Variants in SMC2 observed in about 807,000 individuals in gnomAD.
The protein encoded by SMC2 is structural maintenance of chromosomes 2.
A neutral mutation model predicts 142.6 loss-of-function variants in SMC2; 41 were observed. The ratio of observed to expected loss-of-function variants is 0.29; its 90% confidence interval spans 0.22 to 0.37. The LOEUF (loss-of-function observed/expected upper bound fraction) is 0.37. SMC2 is among the 10% of genes least tolerant of loss of function. The pLI, the probability that SMC2 is intolerant of heterozygous loss-of-function variation, is 1.00. For missense variants in SMC2, 1,265 were observed against 1,373.7 expected (o/e 0.92, Z 1.25); for synonymous variants, 463 against 457.5 (o/e 1.01, Z -0.15).
chr9:104,123,064 C>A, intron 16 of SMC2, 44 bp from the exon 17 acceptor site: 1 of 1,571,950 alleles, frequency 6.4e-7, no homozygotes, highest in Non-Finnish European at 8.6e-7. Context: ...TCTCAAATAC[C>A]AGAAAAATGA....
intron 20 of SMC2, 120 bp from the exon 21 acceptor site, chr9:104,129,525 A>AG: frequency 1.2e-6 from 1 of 806,218 alleles, no homozygotes; most frequent in African/African-American, 1.8e-5. Flanking sequence ...AAAATTAGTC[A>AG]TTGAAGGTTT....
At chr9:104,127,809 T>C (rs943555667) in intron 20 of SMC2, among the ~76,000 whole-genome samples, 1 of 152,208 alleles carries the variant, frequency 6.6e-6, no homozygotes, top group Admixed American at 6.5e-5. Context: ...AATAATGATA[T>C]ATATTCTCTA....
intron 4 of SMC2, 31 bp downstream of exon 4, chr9:104,098,599 C>A (rs115415227): frequency 6.4e-7 from 1 of 1,563,184 alleles, no homozygotes; most frequent in East Asian, 2.3e-5. Context: ...ATATCACTTT[C>A]GTAATAGTTT....
intron 13 of SMC2, among the ~76,000 whole-genome samples, chr9:104,115,838 C>A (rs1337669422): frequency 6.6e-6 from 1 of 152,074 alleles, no homozygotes; most frequent in African/African-American, 2.4e-5. Flanking sequence ...ACCCTTTGAC[C>A]TATGACCTAC....
intron 7 of SMC2, among the ~76,000 whole-genome samples, chr9:104,100,824 A>G (rs964093152): frequency 1.3e-5 from 2 of 152,244 alleles, no homozygotes; most frequent in Admixed American, 1.3e-4. Context: ...ATTGCTATCA[A>G]GGTATTTTGT....
intron 10 of SMC2, among the ~76,000 whole-genome samples, chr9:104,112,950 G>T (rs959444611): frequency 6.6e-6 from 1 of 151,948 alleles, no homozygotes; most frequent in Non-Finnish European, 1.5e-5. Flanking sequence ...ATACAAATAT[G>T]AACAACTAAG....
intron 18 of SMC2, among the ~76,000 whole-genome samples, chr9:104,126,395 A>G (rs1392316775): frequency 6.6e-6 from 1 of 152,202 alleles, no homozygotes; most frequent in Non-Finnish European, 1.5e-5. Context: ...GGAATAAAGG[A>G]TAAAGAAAAT....
Position 104,126,932 on chromosome 9 carries a change from T to C in SMC2, c.2595+148T>C. ...CAAATAGCTTTTACTCATCCAGAAT[T>C]GCCAGTTTTGGGATCACATAGGTCA... On this transcript the variant is annotated intron_variant, in intron 19 of 24. Transcript: ENST00000374793. 4 of 805,780 alleles carry C rather than the reference T, an allele frequency of 5.0e-6. No individual in the cohort carries two copies. In the South Asian group the frequency reaches 7.5e-5, roughly 15 times the overall value. 49.9% of individuals were successfully genotyped at this position (805,780 alleles called of 1,614,324 possible).
At chr9:104,093,051 T>C (rs1449890559), upstream of SMC2, 1 of 152,194 alleles carries the variant, frequency 6.6e-6, no homozygotes, top group African/African-American at 2.4e-5. Context: ...AGACACACCT[T>C]ATTCTGTGAC....
chr9:104,134,714 G>A, intron 23 of SMC2, 139 bp downstream of exon 23: 10 of 488,686 alleles, frequency 2.0e-5, no homozygotes, highest in South Asian at 2.0e-4. Context: ...TAAACAATTT[G>A]GTTAAAACAT....
upstream of SMC2, chr9:104,092,387 CTGTCT>C (rs1424836351): frequency 1.3e-5 from 2 of 152,212 alleles, no homozygotes; most frequent in Non-Finnish European, 2.9e-5. Flanking sequence ...GACTAACAGT[CTGTCT>C]TAACACATAT....
At chr9:104,095,081 G>A (rs1253999975) in intron 1 of SMC2, among the ~76,000 whole-genome samples, 1 of 152,116 alleles carries the variant, frequency 6.6e-6, no homozygotes, top group Non-Finnish European at 1.5e-5. Flanking sequence ...AAAAGTAGAA[G>A]GCAAGCCTGG....
upstream of SMC2, among the ~76,000 whole-genome samples, chr9:104,093,936 G>A (rs1346192772): frequency 6.6e-6 from 1 of 152,188 alleles, no homozygotes; most frequent in African/African-American, 2.4e-5. Flanking sequence ...CCTAACTGTC[G>A]CTTTGAGGAG....
intron 6 of SMC2, 84 bp from the exon 7 acceptor site, chr9:104,100,305 C>A: frequency 7.2e-7 from 1 of 1,393,304 alleles, no homozygotes; most frequent in Non-Finnish European, 1.0e-6. Flanking sequence ...TTCAGTTTTC[C>A]ATAGTCATCC....
chr9:104,113,619 G>A (rs80261053), intron 11 of SMC2, 144 bp downstream of exon 11: 15,015 of 599,096 alleles, frequency 0.025, 988 homozygotes, highest in African/African-American at 0.19. Context: ...TGTAAATATC[G>A]TCAAAAAATA....
At chr9:104,091,250 T>G (rs1829978116), upstream of SMC2, among the ~76,000 whole-genome samples, 1 of 152,230 alleles carries the variant, frequency 6.6e-6, no homozygotes, top group South Asian at 2.1e-4. Context: ...AACCTACATA[T>G]TATAGCCTTA....
intron 10 of SMC2, among the ~76,000 whole-genome samples, chr9:104,112,088 T>G (rs1832520008): frequency 6.6e-6 from 1 of 152,214 alleles, no homozygotes; most frequent in Non-Finnish European, 1.5e-5. Context: ...GTTTGCAGCA[T>G]TGTGTGGAAT....
chr9:104,132,170 A>G (rs1455971361), intron 22 of SMC2, 45 bp downstream of exon 22: 10 of 994,542 alleles, frequency 1.0e-5, no homozygotes, highest in African/African-American at 1.6e-5. Context: ...GGATGAAAAA[A>G]TATCATCAGT....
chr9:104,111,646 T>G lies in SMC2; in HGVS notation c.1086T>G (p.Leu362=). The change falls in exon 10 of 25, where the codon CTT becomes CTG. Residue 362 remains leucine (L), a synonymous_variant. Transcript: ENST00000374793. ...AGATAACAGATGGACTGCATGCCCT[T>G]CAAGAAGCAAGTAATAAAGATGCTG... is the stretch of plus-strand genomic sequence containing the variant. ...VKKITDGLHA[L]QEASNKDAEA... is the part of the protein sequence containing the mutation. 1 of 1,614,060 alleles carries G rather than the reference T, an allele frequency of 6.2e-7. No homozygotes were observed. Among genetic ancestry groups the G allele is most frequent in the Non-Finnish European group, 8.5e-7 (1 of 1,179,938 alleles).
Sources: allele counts gnomAD v4.1 joint callset (sites outside exome capture counted in the v4.1 genomes callset), GRCh38; gene constraint gnomAD v4.1.1; transcripts MANE v1.5; gene names NCBI Gene and HGNC (gene_info 2026-07-23, HGNC 2026-07-21).